The following ARPC4 variants were observed in gnomAD, a reference collection of about 807,000 sequenced individuals.
ARPC4 encodes actin-related protein 2/3 complex subunit 4.
In ARPC4, 3 loss-of-function variants were observed where a neutral mutation model predicts 22.8. The ratio of observed to expected loss-of-function variants is 0.13; its 90% CI spans 0.06 to 0.34. The LOEUF (loss-of-function observed/expected upper bound fraction) is 0.34, where lower values mean the gene tolerates loss of function less well. Ranked by LOEUF, ARPC4 falls within the 10% of genes least tolerant of loss-of-function variation. The pLI is 1.00. For missense variants in ARPC4, 98 were observed against 211.0 expected, an observed-to-expected ratio of 0.46 and a Z score of 3.32; for synonymous variants, 80 against 72.5, an observed-to-expected ratio of 1.10 and a Z score of -0.52.
intron 1 of ARPC4, 181 bp downstream of exon 1, chr3:9,793,305 G>T: frequency 8.2e-7 from 1 of 1,220,056 alleles, no homozygotes; most frequent in Non-Finnish European, 1.1e-6. Context: ...AGGGGCGAGT[G>T]GGGGTACTCC....
At chr3:9,794,660 A>G (rs2078841721) in intron 1 of ARPC4, among the ~76,000 whole-genome samples, 1 of 152,048 alleles carries the variant, frequency 6.6e-6, no homozygotes, top group Admixed American at 6.5e-5. Flanking sequence ...CAGCCTGGAC[A>G]ATATAGCAAG....
chr3:9,793,644 G>T (rs1018923215), intron 1 of ARPC4, among the ~76,000 whole-genome samples: 2 of 152,160 alleles, frequency 1.3e-5, no homozygotes, highest in African/African-American at 4.8e-5. Context: ...TTCCATTCAG[G>T]CCCTTCCTGG....
chr3:9,801,281 G>A (rs1438761160), intron 3 of ARPC4, among the ~76,000 whole-genome samples: 4 of 150,346 alleles, frequency 2.7e-5, no homozygotes, highest in Non-Finnish European at 5.9e-5. Context: ...GGGATTGTTG[G>A]ATGTTCAGTG....
chr3:9,798,608 G>T (rs2078944895), intron 2 of ARPC4, among the ~76,000 whole-genome samples: 1 of 152,000 alleles, frequency 6.6e-6, no homozygotes, highest in African/African-American at 2.4e-5. Flanking sequence ...GGGCACAGTG[G>T]CTCACGCCTG....
chr3:9,794,565 G>A (rs2078839383), intron 1 of ARPC4, among the ~76,000 whole-genome samples: 1 of 152,084 alleles, frequency 6.6e-6, no homozygotes. Flanking sequence ...ATCCGCTCAG[G>A]ACACTGAGGC....
chr3:9,793,028 G>A (rs1037300697), upstream of ARPC4: 33 of 1,537,742 alleles, frequency 2.1e-5, no homozygotes, highest in South Asian at 1.8e-4. Context: ...CGGAAGTCCG[G>A]GCGGAGACCG....
intron 4 of ARPC4, among the ~76,000 whole-genome samples, chr3:9,803,356 A>T (rs2079051996): frequency 6.6e-6 from 1 of 152,218 alleles, no homozygotes; most frequent in Non-Finnish European, 1.5e-5. Context: ...GTGTTAGCCA[A>T]GTTCTTCCTC....
Position 9,799,846 on chromosome 3 carries a change from A to G in ARPC4, c.123-339A>G, listed in dbSNP as rs557295917. On this transcript the variant is annotated intron_variant, in intron 2 of 5. Coordinates refer to ENST00000397261, the MANE Select transcript of ARPC4 (RefSeq NM_005718.5). ...GCTCCTACTATGTGCCAGGCACGCT[A>G]TTAGACATTTGACCCTTTTTGATCT... 9 of 481,872 alleles carry G rather than the reference A, an allele frequency of 1.9e-5. No individual in the cohort carries two copies. In the East Asian group the frequency reaches 3.0e-4, roughly 16 times the overall value. 29.8% of individuals were successfully genotyped at this position (481,872 alleles called of 1,614,324 possible).
intron 2 of ARPC4, among the ~76,000 whole-genome samples, chr3:9,798,779 C>T (rs2078948823): frequency 6.6e-6 from 1 of 152,152 alleles, no homozygotes; most frequent in Admixed American, 6.6e-5. Flanking sequence ...GAGGCTGAGG[C>T]AGGAGAATTG....
intron 3 of ARPC4, among the ~76,000 whole-genome samples, chr3:9,801,311 C>G (rs981065677): frequency 7.8e-4 from 118 of 151,506 alleles, no homozygotes; most frequent in African/African-American, 2.7e-3. Context: ...CAGAGACCAC[C>G]TAAGGTTATC....
chr3:9,795,939 T>G (rs1438934676), intron 1 of ARPC4, among the ~76,000 whole-genome samples: 1 of 151,884 alleles, frequency 6.6e-6, no homozygotes, highest in Non-Finnish European at 1.5e-5. Flanking sequence ...CTACTAAAAA[T>G]ACAAAAATTA....
intron 1 of ARPC4, among the ~76,000 whole-genome samples, chr3:9,796,093 C>G (rs1250334823): frequency 6.6e-6 from 1 of 151,374 alleles, no homozygotes; most frequent in East Asian, 1.9e-4. Flanking sequence ...AAGACTCTGT[C>G]TCAAAAAAAA....
intron 1 of ARPC4, among the ~76,000 whole-genome samples, chr3:9,793,708 C>G (rs2078810766): frequency 6.6e-6 from 1 of 151,982 alleles, no homozygotes; most frequent in African/African-American, 2.4e-5. Flanking sequence ...ACTGCTCATC[C>G]CTCCCTTCCT....
chr3:9,800,465 C>T (rs1308905527), intron 3 of ARPC4, among the ~76,000 whole-genome samples, 169 bp downstream of exon 3: 2 of 152,112 alleles, frequency 1.3e-5, no homozygotes, highest in African/African-American at 2.4e-5. Context: ...ACTCTTGTCG[C>T]CCAGGCTGGA....
intron 5 of ARPC4, 112 bp downstream of exon 5, chr3:9,804,125 GCT>G (rs1452995791): frequency 1.6e-6 from 2 of 1,261,560 alleles, no homozygotes; most frequent in African/African-American, 1.5e-5. Flanking sequence ...TATCTCCTGA[GCT>G]CTCTAGGACC....
intron 4 of ARPC4, among the ~76,000 whole-genome samples, chr3:9,802,761 A>G (rs1312118747): frequency 7.6e-6 from 1 of 131,312 alleles, no homozygotes; most frequent in Non-Finnish European, 1.6e-5. Context: ...GCAACCTTCC[A>G]CCTCCCAGGT....
At position 9,798,804 on chromosome 3, in the gene ARPC4, G is replaced by A. The variant is rs143206245; in HGVS notation, c.122+1027G>A. 6.4e-3 allele frequency among the ~76,000 whole-genome samples: 975 copies of A among 152,300 alleles called. 7 individuals are homozygous for A. Among genetic ancestry groups the A allele is most frequent in the Middle Eastern group, 0.017 (5 of 294 alleles). ...CAGGAGAATTGCTTGAACCTGGGAGGCGGAGGTTGCAGTGAGCCAAGATCG... is the reference window on the plus strand; with the variant it reads ...CAGGAGAATTGCTTGAACCTGGGAGACGGAGGTTGCAGTGAGCCAAGATCG... On this transcript the variant is annotated intron_variant, in intron 2 of 5. Coordinates refer to ENST00000397261, the MANE Select transcript of ARPC4 (RefSeq NM_005718.5).
In ARPC4 at chr3:9,806,219, A is replaced by G. The variant is rs2079104588; in HGVS notation, c.*4A>G. 6.2e-7 allele frequency: 1 copy of G among 1,613,838 alleles called. No individual in the cohort carries two copies. Among genetic ancestry groups the G allele is most frequent in the Admixed American group, 1.7e-5 (1 of 60,012 alleles). ...TTGGTTCTCTTGACAGTTTTAAACC[A>G]TCTGGCTGGATCTCGTGGCCTTCCC... On this transcript the variant is annotated 3_prime_UTR_variant, in exon 6 of 6. Coordinates refer to ENST00000397261, the MANE Select transcript of ARPC4 (RefSeq NM_005718.5).
intron 1 of ARPC4, among the ~76,000 whole-genome samples, chr3:9,794,356 G>A (rs62245641): frequency 0.18 from 27,216 of 152,020 alleles, 3,240 homozygotes; most frequent in Non-Finnish European, 0.26. Context: ...AAAATTAGCC[G>A]GGCGTGGTGG....
Sources: allele counts gnomAD v4.1 joint callset (sites outside exome capture counted in the v4.1 genomes callset), GRCh38; gene constraint gnomAD v4.1.1; transcripts MANE v1.5; gene names NCBI Gene and HGNC (gene_info 2026-07-23, HGNC 2026-07-21).